The following CCDC17 variants were observed in gnomAD, a reference collection of about 807,000 sequenced individuals.
The protein encoded by CCDC17 is coiled-coil domain containing 17.
CCDC17 carries 79 observed loss-of-function variants against 68.0 expected under a neutral mutation model. That is an observed-to-expected ratio of 1.16 (90% confidence interval 0.97 to 1.40). CCDC17 has a LOEUF of 1.40. Ranked by LOEUF, CCDC17 falls within the 40% of genes most tolerant of loss-of-function variation. The pLI, the probability that CCDC17 is intolerant of heterozygous loss-of-function variation, is 0.00. For synonymous variants in CCDC17, 376 were observed against 337.5 expected (o/e 1.11, Z -1.25); for missense variants, 846 against 811.5 (o/e 1.04, Z -0.52).
rs1021804351 is a variant in CCDC17 at position 45,622,053 on chromosome 1, A to C, written c.968-58T>G. ...TGGACAAAGCAGGTAATTAGCTGAG[A>C]TACCCCTCCCCCAAGAGTTGGGCCC... On this transcript the variant is annotated intron_variant, in intron 7 of 12. Transcript: ENST00000528266. The C allele has an allele frequency of 6.6e-6, 10 of 1,505,970 alleles. No individual in the cohort carries two copies. The African/African-American group carries it at 1.2e-4, about 19-fold the overall frequency. The allele number at this position is 1,505,970 out of a possible 1,614,324, so 93.3% of individuals were successfully genotyped here.
intron 4 of CCDC17, 31 bp downstream of exon 4, chr1:45,622,924 T>C: frequency 7.8e-7 from 1 of 1,283,640 alleles, no homozygotes; most frequent in African/African-American, 1.5e-5. Flanking sequence ...CGGAGCCGCA[T>C]GTTCCGGGGA....
At position 45,623,978 on chromosome 1, in the gene CCDC17, G is replaced by A. The variant is rs146875598; in HGVS notation, c.-69C>T. 20 of 1,138,286 alleles carry A rather than the reference G, an allele frequency of 1.8e-5. No individual in the cohort carries two copies. Among genetic ancestry groups the A allele is most frequent in the Non-Finnish European group, 2.2e-5 (18 of 814,142 alleles). 70.5% of individuals were successfully genotyped at this position (1,138,286 alleles called of 1,614,324 possible). A position where few individuals can be genotyped will look rare whatever the true frequency, so the allele number is the denominator to read the frequency against. ...GGATCAAGGGCAGGGGAAAGGCAGA[G>A]GAGGATGAAAGAGACATAAAGCCAG... On this transcript the variant is annotated 5_prime_UTR_variant, in exon 1 of 13. Transcript: ENST00000528266.
Position 45,621,973 on chromosome 1 carries a change from C to A in CCDC17, c.990G>T (p.Leu330=). 1.2e-6 allele frequency: 2 copies of A among 1,609,158 alleles called. No homozygotes were observed. The highest frequency in any genetic ancestry group is 2.2e-5 in the East Asian group (1 of 44,726). The change falls in exon 8 of 13, where the codon CTG becomes CTT. Residue 330 remains leucine (L), a synonymous_variant. Transcript: ENST00000528266. ...CCTTCGGTTGTAGGCTGGCATCCCC[C>A]AGGAGTCGCAGATCCTGGGGCCCTA... The part of the protein sequence containing the change: ...APLGPQDLRL[L]GDASLQPKGR...
At chr1:45,622,892 A>T in intron 4 of CCDC17, 58 bp from the exon 5 acceptor site, 2 of 1,572,330 alleles carry the variant, frequency 1.3e-6, no homozygotes, top group Non-Finnish European at 1.7e-6. Context: ...CCGGGGCTGC[A>T]GCCAGCCCGC....
chr1:45,620,991 C>G lies in CCDC17; in HGVS notation c.1511G>C (p.Arg504Pro), dbSNP rs2297655. Residue 504 changes from arginine (R) to proline (P), a missense_variant, in exon 11 of 13, where the codon CGG becomes CCG. Transcript: ENST00000528266. ...VSLGLFDQDQ[R>P]VLSGRWRLPL... ...GAGGCGCCAGCGGCCACTTAGCACC[C>G]GCTGATCTTGGTCAAATAGTCCAAG... 76 of 1,613,832 alleles carry G rather than the reference C, an allele frequency of 4.7e-5. No individual in the cohort carries two copies. The East Asian group carries it at 1.6e-3, about 35-fold the overall frequency.
chr1:45,621,691 T>C lies in CCDC17; in HGVS notation c.1131A>G (p.Ser377=), dbSNP rs375531461. Residue 377 remains serine (S), a synonymous_variant, in exon 9 of 13, where the codon TCA becomes TCG. Transcript: ENST00000528266. ...GTMTRNLGLD[S]HFLLPTSDML... is the part of the protein sequence containing the mutation. ...TGTCCGATGTGGGCAGGAGGAAGTG[T>C]GAGTCCAGGCCCAGGTTTCTGGTCA... 6.8e-6 allele frequency: 11 copies of C among 1,613,566 alleles called. No individual in the cohort carries two copies. The highest frequency in any genetic ancestry group is 9.3e-6 in the Non-Finnish European group (11 of 1,179,812).
At position 45,623,380 on chromosome 1, in the gene CCDC17, C is replaced by T. The variant is rs1009784667; in HGVS notation, c.330G>A (p.Arg110=). The change falls in exon 3 of 13, where the codon AGG becomes AGA. Residue 110 remains arginine, a synonymous_variant. Coordinates refer to ENST00000528266, the MANE Select transcript of CCDC17 (RefSeq NM_001114938.3). ...EMRPWITEVP[R]VFAGPWTRSE... ...AACGTGTCCAGGGCCCCGCGAACAC[C>T]CTGGGGACCTCTGTTATCCAGGGCC... 5.2e-6 allele frequency: 8 copies of T among 1,550,720 alleles called. No individual in the cohort carries two copies. The highest frequency in any genetic ancestry group is 7.0e-6 in the Non-Finnish European group (8 of 1,146,998).
chr1:45,622,034 A>C, intron 7 of CCDC17, 39 bp from the exon 8 acceptor site: 2 of 1,557,436 alleles, frequency 1.3e-6, no homozygotes, highest in South Asian at 2.3e-5. Context: ...AAGTTGGACA[A>C]AGCAGGTAAT....
chr1:45,620,293 C>A lies in CCDC17; in HGVS notation c.1851G>T (p.Leu617Phe). 1 of 1,609,820 alleles carries A rather than the reference C, an allele frequency of 6.2e-7. No homozygotes were observed. ...EGLGPHHSSDLPPVSF is the reference protein window; with the variant it reads ...EGLGPHHSSDFPPVSF The stretch of plus-strand genomic sequence containing the variant: ...CTTGGGTTCAGAAACTCACTGGGGG[C>A]AAGTCAGAACTGTGGTGAGGGCCCA... The change falls in exon 13 of 13, where the codon TTG becomes TTT. Residue 617 changes from leucine to phenylalanine, a missense_variant. Leu to Phe is a conservative substitution (Grantham distance 22). Coordinates refer to ENST00000528266, the MANE Select transcript of CCDC17 (RefSeq NM_001114938.3).
chr1:45,622,517 G>A (rs1290163954), intron 6 of CCDC17, 32 bp downstream of exon 6: 1 of 1,544,292 alleles, frequency 6.5e-7, no homozygotes, highest in Admixed American at 2.0e-5. Flanking sequence ...TCCCAGGACT[G>A]ACCACCGCTG....
At chr1:45,623,144 C>CT in intron 3 of CCDC17, 27 bp from the exon 4 acceptor site, 1 of 1,538,906 alleles carries the variant, frequency 6.5e-7, no homozygotes, top group Non-Finnish European at 8.8e-7. Flanking sequence ...CGAGTCAGAA[C>CT]CGGCCCGAGC....
chr1:45,622,157 C>T (rs1644287692), intron 7 of CCDC17, 84 bp downstream of exon 7: 3 of 1,372,668 alleles, frequency 2.2e-6, no homozygotes, highest in East Asian at 2.5e-5. Flanking sequence ...AAACACGGGT[C>T]TTGTTCCCCA....
chr1:45,620,618 T>C (rs1417010848), intron 12 of CCDC17, 105 bp downstream of exon 12: 7 of 1,521,816 alleles, frequency 4.6e-6, no homozygotes, highest in African/African-American at 2.8e-5. Context: ...CAAGAAAGCA[T>C]TGGTAATGAC....
Position 45,623,540 on chromosome 1 carries a change from A to C in CCDC17, c.270+17T>G, listed in dbSNP as rs1411855385. On this transcript the variant is annotated intron_variant, in intron 2 of 12. Transcript: ENST00000528266. ...CGCTCAACGTTTTGAGCCCTGGGGG[A>C]AGGTAGGTAGCTCTACCTCCTCTGT... The C allele has an allele frequency of 1.3e-6, 2 of 1,548,234 alleles. No homozygotes were observed. Among genetic ancestry groups the C allele is most frequent in the Non-Finnish European group, 8.7e-7 (1 of 1,146,796 alleles).
intron 9 of CCDC17, 21 bp downstream of exon 9, chr1:45,621,617 C>A (rs1362584242): frequency 1.9e-6 from 3 of 1,610,992 alleles, no homozygotes; most frequent in South Asian, 2.2e-5. Context: ...CAGAGGCTGT[C>A]GAAGGTGGCA....
chr1:45,622,865 G>C lies in CCDC17; in HGVS notation c.657-31C>G, dbSNP rs779735036. The C allele has an allele frequency of 4.4e-6, 7 of 1,579,736 alleles. No homozygotes were observed. The African/African-American group carries it at 5.4e-5, about 12-fold the overall frequency. ...GTGGCAGGCGACGCGCAGGGAGACGGTAACGCATCAGAGGCCCCGGGGCTG... is the reference window on the plus strand; with the variant it reads ...GTGGCAGGCGACGCGCAGGGAGACGCTAACGCATCAGAGGCCCCGGGGCTG... On this transcript the variant is annotated intron_variant, in intron 4 of 12. Coordinates refer to ENST00000528266, the MANE Select transcript of CCDC17 (RefSeq NM_001114938.3).
rs1252979603 is a variant in CCDC17, at chr1:45,621,090, G to A, written c.1412C>T (p.Ser471Phe). 1 of 1,613,768 alleles carries A rather than the reference G, an allele frequency of 6.2e-7. No individual in the cohort carries two copies. The highest frequency in any genetic ancestry group is 2.2e-5 in the East Asian group (1 of 44,890). The change falls in exon 11 of 13, where the codon TCT (serine) becomes TTT (phenylalanine). Residue 471 changes from serine to phenylalanine, a missense_variant. Physicochemically the swap from Ser to Phe is radical, Grantham distance 155 (BLOSUM62 -2). Coordinates refer to ENST00000528266, the MANE Select transcript of CCDC17 (RefSeq NM_001114938.3). ...CCAGACCTGCAGCTCACAGACCAAA[G>A]ATACTGATGATGAGGGTGGTAGTCT... ...VPRLPPSSSV[S>F]LVCELQVWQG... is the part of the protein sequence containing the mutation.
chr1:45,621,415 C>T lies in CCDC17; in HGVS notation c.1254G>A (p.Arg418=), dbSNP rs1357655315. The T allele has an allele frequency of 1.9e-6, 3 of 1,597,856 alleles. No individual in the cohort carries two copies. The highest frequency in any genetic ancestry group is 2.6e-6 in the Non-Finnish European group (3 of 1,172,750). The change falls in exon 10 of 13, where the codon AGG becomes AGA. Residue 418 remains arginine, a synonymous_variant. Transcript: ENST00000528266. Reference sequence around the variant, plus strand: ...CCCGTCCATCGCGTGCCAAGCCAGTCCTTAGTTGCACCCAAATCCAGGAAG... The same window carrying T: ...CCCGTCCATCGCGTGCCAAGCCAGTTCTTAGTTGCACCCAAATCCAGGAAG... The part of the protein sequence containing the change: ...LEASWIWVQL[R]TGLARDGRDT...
At position 45,620,225 on chromosome 1, in the gene CCDC17, G is replaced by A. The variant is rs749268988; in HGVS notation, c.*50C>T. The A allele has an allele frequency of 7.1e-6, 11 of 1,549,754 alleles. No individual in the cohort carries two copies. The highest frequency in any genetic ancestry group is 9.5e-6 in the Non-Finnish European group (11 of 1,152,786). On this transcript the variant is annotated 3_prime_UTR_variant, in exon 13 of 13. Transcript: ENST00000528266. ...TAGTAAACCTGTAGGTCTGGAAATA[G>A]GCCCCAGTCCTGTGCATGTTCAGAT...
Sources: gnomAD v4.1 joint callset for allele counts on GRCh38, gnomAD v4.1.1 for gene constraint, MANE v1.5 for transcripts, NCBI Gene and HGNC (gene_info 2026-07-23, HGNC 2026-07-21) for gene names.